Variants in SH3BGRL2 observed in about 807,000 individuals in gnomAD.
SH3BGRL2 encodes the protein SH3 domain-binding glutamic acid-rich-like protein 2.
Under a neutral mutation model 14.8 loss-of-function variants are expected in SH3BGRL2, and 21 were observed. That is an observed-to-expected ratio of 1.42 (90% confidence interval 1.01 to 2.05). SH3BGRL2 has a LOEUF of 2.05. SH3BGRL2 is among the 30% of genes most tolerant of loss of function. SH3BGRL2 has a pLI of 0.00. For missense variants in SH3BGRL2, 147 were observed against 130.8 expected (o/e 1.12, Z -0.61); for synonymous variants, 50 against 47.8 (o/e 1.05, Z -0.19).
chr6:79,546,573 T>A, the SH3BGRL2 span, among the ~76,000 whole-genome samples: 2 of 152,132 alleles, frequency 1.3e-5, no homozygotes, highest in African/African-American at 2.4e-5. Flanking sequence ...GTTTTCGTTC[T>A]CCCAAGGAGA....
rs1323800780 is a variant in SH3BGRL2, at chr6:79,700,342, TTATA to T, written c.*834_*837del. On this transcript the variant is annotated 3_prime_UTR_variant, in exon 4 of 4. Coordinates refer to ENST00000369838, the MANE Select transcript of SH3BGRL2 (RefSeq NM_031469.4). The stretch of plus-strand genomic sequence containing the variant: ...GGCATTTTCAGCTCTAGCAATTTAT[TTATA>T]ATATATAAGTTCATATATTTTTTAA... 1 of 152,154 alleles carries T rather than the reference TTATA, an allele frequency of 6.6e-6. No individual in the cohort carries two copies. The highest frequency in any genetic ancestry group is 2.4e-5 in the African/African-American group (1 of 41,444). The allele number at this position is 152,154 out of a possible 1,614,324, so 9.4% of individuals were successfully genotyped here. A position where few individuals can be genotyped will look rare whatever the true frequency, so the allele number is the denominator to read the frequency against.
At chr6:79,615,782 C>CT in the SH3BGRL2 span, among the ~76,000 whole-genome samples, 1 of 140,172 alleles carries the variant, frequency 7.1e-6, no homozygotes, top group South Asian at 2.3e-4. Context: ...TGTGTATTTG[C>CT]TTTTTTTAAA....
At chr6:79,616,836 G>T in the SH3BGRL2 span, among the ~76,000 whole-genome samples, 1 of 152,162 alleles carries the variant, frequency 6.6e-6, no homozygotes, top group South Asian at 2.1e-4. Context: ...GGAAGAAAAA[G>T]AAAGTGCATG....
rs1428078810 is a variant in SH3BGRL2, at chr6:79,700,673, C to T, written c.*1164C>T. On this transcript the variant is annotated 3_prime_UTR_variant, in exon 4 of 4. Coordinates refer to ENST00000369838, the MANE Select transcript of SH3BGRL2 (RefSeq NM_031469.4). ...GCAACACACATGAGAAAGAGAGTAA[C>T]CCGGAATTGTACTTGTCAAGCAAAA... The T allele has an allele frequency of 6.6e-6, 1 of 152,066 alleles. No homozygotes were observed. The highest frequency in any genetic ancestry group is 2.4e-5 in the African/African-American group (1 of 41,402). The allele number at this position is 152,066 out of a possible 1,614,324, so 9.4% of individuals were successfully genotyped here.
chr6:79,641,756 T>TA (rs565622171), intron 1 of SH3BGRL2, among the ~76,000 whole-genome samples: 21 of 151,624 alleles, frequency 1.4e-4, no homozygotes, highest in African/African-American at 2.2e-4. Flanking sequence ...GTAATAACAG[T>TA]AAAAAAAAAT....
chr6:79,591,975 G>A, the SH3BGRL2 span, among the ~76,000 whole-genome samples: 14 of 152,130 alleles, frequency 9.2e-5, no homozygotes, highest in Admixed American at 3.3e-4. Context: ...GGTCTTTCAT[G>A]TCTCTAAGTA....
chr6:79,562,106 A>G, the SH3BGRL2 span, among the ~76,000 whole-genome samples: 1 of 152,158 alleles, frequency 6.6e-6, no homozygotes, highest in Non-Finnish European at 1.5e-5. Context: ...TTTTATTAGA[A>G]CTAGTAGAGT....
upstream of SH3BGRL2, among the ~76,000 whole-genome samples, chr6:79,628,278 T>G (rs1768765969): frequency 1.4e-5 from 2 of 144,312 alleles, no homozygotes; most frequent in South Asian, 4.3e-4. Flanking sequence ...ATTTAGAAAC[T>G]TTTTTTTTTT....
At chr6:79,682,940 T>A (rs1770015832) in intron 2 of SH3BGRL2, among the ~76,000 whole-genome samples, 1 of 152,136 alleles carries the variant, frequency 6.6e-6, no homozygotes, top group African/African-American at 2.4e-5. Flanking sequence ...CTCAGCAAAC[T>A]ATCACAAGGA....
chr6:79,683,013 A>T (rs1770018027), intron 2 of SH3BGRL2, among the ~76,000 whole-genome samples: 1 of 152,214 alleles, frequency 6.6e-6, no homozygotes, highest in Non-Finnish European at 1.5e-5. Flanking sequence ...GATCATTTGG[A>T]CACAGGGCAG....
chr6:79,612,850 T>C, the SH3BGRL2 span, among the ~76,000 whole-genome samples: 3 of 152,212 alleles, frequency 2.0e-5, no homozygotes, highest in Non-Finnish European at 2.9e-5. Context: ...AACCAGACTA[T>C]GTCTACTGAT....
chr6:79,578,994 A>G, the SH3BGRL2 span, among the ~76,000 whole-genome samples: 6 of 152,342 alleles, frequency 3.9e-5, no homozygotes, highest in Non-Finnish European at 8.8e-5. Context: ...TATGAGAACT[A>G]CATGATGCAT....
At chr6:79,647,337 TA>T (rs1769164948) in intron 1 of SH3BGRL2, among the ~76,000 whole-genome samples, 3 of 151,962 alleles carry the variant, frequency 2.0e-5, no homozygotes, top group South Asian at 2.1e-4. Flanking sequence ...TCTTTTTTTT[TA>T]AAATCTCTTC....
chr6:79,659,436 T>G (rs1424020655), intron 1 of SH3BGRL2, among the ~76,000 whole-genome samples: 2 of 152,184 alleles, frequency 1.3e-5, no homozygotes, highest in Non-Finnish European at 2.9e-5. Context: ...TTGTCAAAGA[T>G]CAGATGGTTG....
chr6:79,677,212 A>C (rs1769902814), intron 2 of SH3BGRL2, among the ~76,000 whole-genome samples: 1 of 152,204 alleles, frequency 6.6e-6, no homozygotes, highest in Admixed American at 6.5e-5. Context: ...TAACCTGTAG[A>C]AACCTACCAC....
At chr6:79,678,069 C>G (rs936034376) in intron 2 of SH3BGRL2, among the ~76,000 whole-genome samples, 3 of 152,186 alleles carry the variant, frequency 2.0e-5, no homozygotes, top group African/African-American at 7.2e-5. Flanking sequence ...TTTCTTTTCT[C>G]TCTCTCTCTA....
At chr6:79,578,650 C>T in the SH3BGRL2 span, among the ~76,000 whole-genome samples, 1 of 152,118 alleles carries the variant, frequency 6.6e-6, no homozygotes, top group Admixed American at 6.5e-5. Flanking sequence ...TGTAGGTCAC[C>T]AACATCAAAT....
the SH3BGRL2 span, among the ~76,000 whole-genome samples, chr6:79,571,392 G>A: frequency 1.3e-5 from 2 of 152,188 alleles, no homozygotes; most frequent in African/African-American, 2.4e-5. Context: ...CCTGTAAGAA[G>A]TCAAAATCAC....
At chr6:79,684,957 G>A (rs1770062753) in intron 2 of SH3BGRL2, among the ~76,000 whole-genome samples, 1 of 152,202 alleles carries the variant, frequency 6.6e-6, no homozygotes, top group African/African-American at 2.4e-5. Context: ...TAGAGAGGGT[G>A]TGATACAAAT....
Sources: gnomAD v4.1 joint callset for allele counts (sites outside exome capture counted in the v4.1 genomes callset) on GRCh38, gnomAD v4.1.1 for gene constraint, MANE v1.5 for transcripts, NCBI Gene and HGNC (gene_info 2026-07-23, HGNC 2026-07-21) for gene names.